The following EBF2 variants were observed in gnomAD, a reference collection of about 807,000 sequenced individuals.
The protein encoded by EBF2 is transcription factor COE2.
Under a neutral mutation model 72.8 loss-of-function variants are expected in EBF2, and 21 were observed. The observed-to-expected ratio is 0.29, with a 90% confidence interval of 0.20 to 0.42. The LOEUF (loss-of-function observed/expected upper bound fraction) is 0.42. Among genes scored for constraint, EBF2 ranks in the 10% least tolerant of loss-of-function variants. The pLI, the probability that EBF2 is intolerant of heterozygous loss-of-function variation, is 1.00. For synonymous variants in EBF2, 299 were observed against 274.2 expected, an observed-to-expected ratio of 1.09 and a Z score of -0.89; for missense variants, 637 against 731.2, an observed-to-expected ratio of 0.87 and a Z score of 1.49.
chr8:25,866,977 G>A (rs1035457384), intron 10 of EBF2, among the ~76,000 whole-genome samples: 2 of 151,990 alleles, frequency 1.3e-5, no homozygotes, highest in African/African-American at 4.8e-5. Context: ...ATTAATTCAT[G>A]GAAGTAATGT....
chr8:25,901,814 C>A (rs532626461), intron 7 of EBF2, among the ~76,000 whole-genome samples: 14 of 152,220 alleles, frequency 9.2e-5, no homozygotes, highest in Non-Finnish European at 1.9e-4. Context: ...ACAGCTGGCA[C>A]TGTACGGAAG....
chr8:25,903,424 G>A (rs1038601781), intron 7 of EBF2, among the ~76,000 whole-genome samples: 2 of 152,240 alleles, frequency 1.3e-5, no homozygotes, highest in South Asian at 2.1e-4. Flanking sequence ...AGCCGGGCGC[G>A]GTGGCTCACG....
intron 15 of EBF2, among the ~76,000 whole-genome samples, chr8:25,847,734 C>T (rs568568058): frequency 1.2e-3 from 176 of 152,284 alleles, no homozygotes; most frequent in African/African-American, 4.1e-3. Flanking sequence ...CTGGTGACAT[C>T]ATGGCCAGCA....
At chr8:25,985,311 C>A (rs1394229502) in intron 6 of EBF2, among the ~76,000 whole-genome samples, 1 of 152,300 alleles carries the variant, frequency 6.6e-6, no homozygotes, top group South Asian at 2.1e-4. Context: ...AGTGCCACAG[C>A]AGATTTCCTT....
intron 10 of EBF2, among the ~76,000 whole-genome samples, chr8:25,865,752 G>A (rs1279695105): frequency 1.3e-5 from 2 of 150,896 alleles, no homozygotes; most frequent in Admixed American, 6.6e-5. Context: ...CAGGCCAGGC[G>A]CAGTGACTCA....
chr8:25,845,350 C>G (rs544956527), intron 15 of EBF2, among the ~76,000 whole-genome samples: 2 of 152,232 alleles, frequency 1.3e-5, no homozygotes, highest in African/African-American at 4.8e-5. Context: ...GCCTCAGCCT[C>G]TGCCTCCTGA....
chr8:25,859,683 G>A (rs1802173797), intron 13 of EBF2, among the ~76,000 whole-genome samples: 2 of 151,092 alleles, frequency 1.3e-5, no homozygotes, highest in South Asian at 4.2e-4. Context: ...TGGGCCTCAT[G>A]TCTACAGAAA....
At chr8:26,013,354 G>T (rs972555719) in intron 6 of EBF2, among the ~76,000 whole-genome samples, 1 of 152,062 alleles carries the variant, frequency 6.6e-6, no homozygotes, top group African/African-American at 2.4e-5. Flanking sequence ...CACTGCCCTC[G>T]TGAGTTCCTG....
intron 8 of EBF2, among the ~76,000 whole-genome samples, chr8:25,888,577 A>G (rs1802729507): frequency 6.6e-6 from 1 of 152,188 alleles, no homozygotes; most frequent in Admixed American, 6.5e-5. Context: ...TGGGCCAGAG[A>G]GAGAGAGGGG....
At chr8:25,963,515 C>G (rs1804069634) in intron 6 of EBF2, among the ~76,000 whole-genome samples, 1 of 152,136 alleles carries the variant, frequency 6.6e-6, no homozygotes, top group African/African-American at 2.4e-5. Context: ...TTCCAAAGCC[C>G]TCTTACGGGG....
In EBF2 at chr8:25,861,387, C is replaced by T. The variant is rs377660323; in HGVS notation, c.1099-13G>A. On this transcript the variant is annotated splice_polypyrimidine_tract_variant and intron_variant, in intron 11 of 15. Transcript: ENST00000520164. ...TCAACAGCATCTCCTGGAAAATAAG[C>T]GAGGATGGGATATTGTCAAAGGCAA... The T allele has an allele frequency of 1.5e-4, 248 of 1,613,926 alleles. 2 individuals carry two copies. The East Asian group carries it at 2.6e-3, about 17-fold the overall frequency.
intron 10 of EBF2, among the ~76,000 whole-genome samples, chr8:25,883,190 G>A (rs575352233): frequency 9.1e-4 from 138 of 152,144 alleles, no homozygotes; most frequent in African/African-American, 3.3e-3. Context: ...AGGTGTATAG[G>A]CTCCCCTTTT....
intron 6 of EBF2, among the ~76,000 whole-genome samples, chr8:25,991,800 C>T (rs999868386): frequency 2.6e-5 from 4 of 151,960 alleles, no homozygotes; most frequent in Non-Finnish European, 5.9e-5. Flanking sequence ...GAGCCGAGAT[C>T]GCACAACTGC....
intron 6 of EBF2, among the ~76,000 whole-genome samples, chr8:25,954,376 C>CA (rs1803910718): frequency 6.6e-6 from 1 of 152,218 alleles, no homozygotes; most frequent in Non-Finnish European, 1.5e-5. Context: ...CCGCTCTGCT[C>CA]AGCGGCCCCA....
intron 2 of EBF2, chr8:26,041,577 G>T (rs118138958): frequency 0.023 from 3,670 of 162,052 alleles, 50 homozygotes; most frequent in Non-Finnish European, 0.033. Context: ...GGTTTCGGCG[G>T]ACTGTCCTTC....
rs1031965244 is a variant in EBF2, at chr8:26,013,087, G to A, written c.551+19998C>T. ...TAGGAAGAAAATTAAGTCTGGAAGG[G>A]GGTTAAGAAGTGCTGGTTTTGGGAG... On this transcript the variant is annotated intron_variant, in intron 6 of 15. Transcript: ENST00000520164. Among the ~76,000 whole-genome samples, 4 of 152,122 alleles carry A rather than the reference G, an allele frequency of 2.6e-5. No individual in the cohort carries two copies. The East Asian group carries it at 7.7e-4, about 29-fold the overall frequency.
At position 26,040,097 on chromosome 8, in the gene EBF2, A is replaced by G; in HGVS notation, c.413T>C (p.Ile138Thr). 6.2e-7 allele frequency: 1 copy of G among 1,612,106 alleles called. No individual in the cohort carries two copies. Among genetic ancestry groups the G allele is most frequent in the Non-Finnish European group, 8.5e-7 (1 of 1,178,830 alleles). Residue 138 changes from isoleucine (I) to threonine (T), a missense_variant, in exon 5 of 16, where the codon ATC becomes ACC. Around this residue, in one of 3 missense-constraint regions of EBF2, gnomAD observed 204 missense variants for 301.2 expected, o/e 0.68. Transcript: ENST00000520164. ...RLIDSVTKQP[I>T]AYEGQNKNPE... ...ATTCTTATTCTGTCCCTCGTAAGCG[A>G]TGGGCTGTGAAGGAGGTAGTGGCAG...
chr8:26,039,987 T>G (rs1256750773), intron 5 of EBF2, 41 bp downstream of exon 5: 1 of 1,603,378 alleles, frequency 6.2e-7, no homozygotes, highest in Non-Finnish European at 8.5e-7. Flanking sequence ...CTGGAGCACC[T>G]GCGGGCTCTC....
At chr8:26,013,156 C>T (rs1805053867) in intron 6 of EBF2, among the ~76,000 whole-genome samples, 1 of 152,192 alleles carries the variant, frequency 6.6e-6, no homozygotes, top group Non-Finnish European at 1.5e-5. Context: ...GGACGTCTGA[C>T]CCCAAACTTC....
Sources: allele counts gnomAD v4.1 joint callset (sites outside exome capture counted in the v4.1 genomes callset), GRCh38; gene constraint gnomAD v4.1.1; regional missense constraint gnomAD v4.1.1; transcripts MANE v1.5; gene names NCBI Gene and HGNC (gene_info 2026-07-23, HGNC 2026-07-21).